The following KCNIP4 variants were observed in gnomAD, a reference collection of about 807,000 sequenced individuals.
KCNIP4 encodes potassium voltage-gated channel interacting protein 4.
KCNIP4 carries 12 observed loss-of-function variants against 34.0 expected under a neutral mutation model. That is an observed-to-expected ratio of 0.35 (90% CI 0.23 to 0.57). The LOEUF is 0.57. KCNIP4 is among the 20% of genes least tolerant of loss of function. The pLI is 0.83. For synonymous variants in KCNIP4, 124 were observed against 102.2 expected, an observed-to-expected ratio of 1.21 and a Z score of -1.29; for missense variants, 238 against 311.7, an observed-to-expected ratio of 0.76 and a Z score of 1.78.
intron 1 of KCNIP4, among the ~76,000 whole-genome samples, chr4:21,658,005 A>G (rs1008305919): frequency 6.6e-6 from 1 of 151,970 alleles, no homozygotes; most frequent in African/African-American, 2.4e-5. Context: ...ACACCCAGCT[A>G]ATTTTTGTAT....
At chr4:20,944,543 A>T (rs2149626184) in intron 1 of KCNIP4, among the ~76,000 whole-genome samples, 1 of 152,354 alleles carries the variant, frequency 6.6e-6, no homozygotes, top group South Asian at 2.1e-4. Flanking sequence ...TCTCTTTGTC[A>T]GCCAGATGGG....
chr4:21,516,403 A>C (rs1305373608), intron 1 of KCNIP4, among the ~76,000 whole-genome samples: 1 of 152,134 alleles, frequency 6.6e-6, no homozygotes, highest in Non-Finnish European at 1.5e-5. Context: ...CACAACAATC[A>C]CCCTTTTCCT....
At chr4:21,942,725 A>C (rs1292748339) in intron 1 of KCNIP4, among the ~76,000 whole-genome samples, 1 of 152,180 alleles carries the variant, frequency 6.6e-6, no homozygotes, top group Non-Finnish European at 1.5e-5. Flanking sequence ...TTCAATCAAT[A>C]TGTTTAAATA....
chr4:21,853,369 A>G (rs887764174), intron 1 of KCNIP4, among the ~76,000 whole-genome samples: 1 of 152,210 alleles, frequency 6.6e-6, no homozygotes, highest in African/African-American at 2.4e-5. Context: ...CAGGAGAACT[A>G]AGTTTTCATC....
rs1385959864 is a variant in KCNIP4, at chr4:20,730,222, C to A, written c.706-93G>T. 4 of 1,397,852 alleles carry A rather than the reference C, an allele frequency of 2.9e-6. No individual in the cohort carries two copies. In the Admixed American group the frequency reaches 7.5e-5, roughly 26 times the overall value. The allele number at this position is 1,397,852 out of a possible 1,614,324, so 86.6% of individuals were successfully genotyped here. A position where few individuals can be genotyped will look rare whatever the true frequency, so the allele number is the denominator to read the frequency against. On this transcript the variant is annotated intron_variant, in intron 8 of 8. Coordinates refer to ENST00000382152, the MANE Select transcript of KCNIP4 (RefSeq NM_025221.6). The stretch of plus-strand genomic sequence containing the variant: ...CTGAGTATTGCCTCCTCCCATCAAC[C>A]ACCTCAACCACCTATGCCAAAAGCT...
chr4:21,052,946 G>A (rs1243265365), intron 1 of KCNIP4, among the ~76,000 whole-genome samples: 1 of 151,948 alleles, frequency 6.6e-6, no homozygotes, highest in Non-Finnish European at 1.5e-5. Flanking sequence ...GGGAGAAGAA[G>A]TGGAGAGGGG....
chr4:21,141,302 G>T (rs1263548399), intron 1 of KCNIP4, among the ~76,000 whole-genome samples: 1 of 152,092 alleles, frequency 6.6e-6, no homozygotes, highest in Non-Finnish European at 1.5e-5. Context: ...CATAATATCT[G>T]CAAAGCACAA....
At chr4:21,456,608 T>C (rs1485023610) in intron 1 of KCNIP4, among the ~76,000 whole-genome samples, 2 of 147,934 alleles carry the variant, frequency 1.4e-5, no homozygotes, top group Non-Finnish European at 3.0e-5. Flanking sequence ...TATGTAAACA[T>C]TTTAAAATGC....
chr4:21,418,665 C>T (rs1247744204), intron 1 of KCNIP4, among the ~76,000 whole-genome samples: 2 of 152,036 alleles, frequency 1.3e-5, no homozygotes, highest in Non-Finnish European at 2.9e-5. Context: ...AAGGTCTTTC[C>T]TCCAACATCC....
chr4:20,763,699 C>T (rs1350265482), intron 3 of KCNIP4, among the ~76,000 whole-genome samples: 2 of 152,106 alleles, frequency 1.3e-5, no homozygotes, highest in African/African-American at 4.8e-5. Context: ...TGAAACAGTT[C>T]TCCCACTGAT....
chr4:21,192,088 A>C (rs1407463350), intron 1 of KCNIP4, among the ~76,000 whole-genome samples: 1 of 152,216 alleles, frequency 6.6e-6, no homozygotes, highest in Non-Finnish European at 1.5e-5. Context: ...ACTTACAAGC[A>C]GACATTCAAT....
chr4:21,437,880 AGTGTGT>A (rs71655635), intron 1 of KCNIP4, among the ~76,000 whole-genome samples: 37,505 of 143,144 alleles, frequency 0.26, 4,846 homozygotes, highest in Non-Finnish European at 0.31. Flanking sequence ...TTATTTTACA[AGTGTGT>A]GTGTGTGTGT....
Position 21,525,051 on chromosome 4 carries a change from G to A in KCNIP4, c.61+423520C>T, listed in dbSNP as rs186143570. Among the ~76,000 whole-genome samples the A allele has an allele frequency of 7.6e-4, 115 of 152,122 alleles. No individual in the cohort carries two copies. In the Middle Eastern group the frequency reaches 0.01, roughly 14 times the overall value. Reference sequence around the variant, plus strand: ...CATCTTCTCCTTCTCCTAACTTGGGGAATTTCCATGCTTTATTTGACAAAT... The same window carrying A: ...CATCTTCTCCTTCTCCTAACTTGGGAAATTTCCATGCTTTATTTGACAAAT... On this transcript the variant is annotated intron_variant, in intron 1 of 8. Transcript: ENST00000382152.
intron 1 of KCNIP4, among the ~76,000 whole-genome samples, chr4:21,496,054 G>T (rs979125615): frequency 6.6e-6 from 1 of 152,140 alleles, no homozygotes; most frequent in South Asian, 2.1e-4. Context: ...TGAGATAAAT[G>T]AATGTTTTAG....
chr4:21,100,230 A>G (rs2109066194), intron 1 of KCNIP4, among the ~76,000 whole-genome samples: 1 of 152,284 alleles, frequency 6.6e-6, no homozygotes, highest in East Asian at 1.9e-4. Flanking sequence ...CAGTGGGGAA[A>G]CAAATTTCAC....
At chr4:21,278,257 G>C (rs10002994) in intron 1 of KCNIP4, among the ~76,000 whole-genome samples, 1 of 151,862 alleles carries the variant, frequency 6.6e-6, no homozygotes, top group African/African-American at 2.4e-5. Flanking sequence ...TGTCATATAG[G>C]TAAACTCATG....
At chr4:20,740,420 A>G (rs1056305258) in intron 5 of KCNIP4, among the ~76,000 whole-genome samples, 1 of 152,176 alleles carries the variant, frequency 6.6e-6, no homozygotes. Context: ...GTGGGGGCCA[A>G]TATTCAACAC....
At chr4:21,132,680 G>C (rs1019248038) in intron 1 of KCNIP4, among the ~76,000 whole-genome samples, 2 of 152,074 alleles carry the variant, frequency 1.3e-5, no homozygotes, top group African/African-American at 4.8e-5. Context: ...GTTTGTCCTT[G>C]TGTAGCAGAT....
chr4:21,616,897 G>T (rs1482804027), intron 1 of KCNIP4, among the ~76,000 whole-genome samples: 2 of 152,104 alleles, frequency 1.3e-5, no homozygotes, highest in African/African-American at 4.8e-5. Flanking sequence ...ATCTTGAAGT[G>T]CTGTCAGGAC....
Sources: allele counts gnomAD v4.1 joint callset (sites outside exome capture counted in the v4.1 genomes callset), GRCh38; gene constraint gnomAD v4.1.1; transcripts MANE v1.5; gene names NCBI Gene and HGNC (gene_info 2026-07-23, HGNC 2026-07-21).